MRNIP: variants seen among roughly 807,000 people sequenced by gnomAD.
MRNIP encodes the protein MRN complex interacting protein.
A neutral mutation model predicts 29.8 loss-of-function variants in MRNIP; 30 were observed. The ratio of observed to expected loss-of-function variants is 1.01; its 90% confidence interval spans 0.75 to 1.36. The LOEUF is 1.36. Among genes scored for constraint, MRNIP ranks in the 40% most tolerant of loss-of-function variants. The pLI is 0.00. For synonymous variants in MRNIP, 201 were observed against 164.1 expected (o/e 1.23, Z -1.72); for missense variants, 459 against 423.5 (o/e 1.08, Z -0.74).
intron 2 of MRNIP, among the ~76,000 whole-genome samples, chr5:179,852,918 A>T (rs916638855): frequency 6.6e-6 from 1 of 152,210 alleles, no homozygotes; most frequent in African/African-American, 2.4e-5. Flanking sequence ...TGAGCCCACT[A>T]TCCCACACCT....
At chr5:179,846,429 G>A (rs886784896) in intron 3 of MRNIP, among the ~76,000 whole-genome samples, 2 of 151,780 alleles carry the variant, frequency 1.3e-5, no homozygotes, top group Non-Finnish European at 2.9e-5. Flanking sequence ...GATTACAGGC[G>A]CCCGCCACCA....
chr5:179,853,323 G>A, intron 2 of MRNIP, 55 bp downstream of exon 2: 2 of 1,603,992 alleles, frequency 1.2e-6, no homozygotes, highest in Non-Finnish European at 1.7e-6. Flanking sequence ...GGGACTCCCT[G>A]GAAGGGCTCG....
chr5:179,850,488 G>C (rs1190614375), intron 2 of MRNIP, among the ~76,000 whole-genome samples: 1 of 152,236 alleles, frequency 6.6e-6, no homozygotes, highest in Non-Finnish European at 1.5e-5. Context: ...CGTGAGCACA[G>C]AATTCTGGTG....
In MRNIP at chr5:179,841,899, C is replaced by G; in HGVS notation, c.449+8G>C. 6.2e-7 allele frequency: 1 copy of G among 1,613,294 alleles called. No homozygotes were observed. Among genetic ancestry groups the G allele is most frequent in the Non-Finnish European group, 8.5e-7 (1 of 1,179,890 alleles). Reference sequence around the variant, plus strand: ...GGGCCAGGGCTGGAACGGAGACGCACTTGGTACCTTTTTCTAGGCAGGTCT... The same window carrying G: ...GGGCCAGGGCTGGAACGGAGACGCAGTTGGTACCTTTTTCTAGGCAGGTCT... On this transcript the variant is annotated splice_region_variant and intron_variant, in intron 5 of 6. Transcript: ENST00000292586.
intron 6 of MRNIP, chr5:179,840,062 A>AGGAGGAG (rs1758813894): frequency 6.6e-6 from 1 of 152,110 alleles, no homozygotes; most frequent in African/African-American, 2.4e-5. Flanking sequence ...CTCCTGCCTC[A>AGGAGGAG]GCCTCTCGAG....
chr5:179,837,769 G>T lies in MRNIP; in HGVS notation c.654C>A (p.Pro218=). 6.2e-7 allele frequency: 1 copy of T among 1,614,214 alleles called. No homozygotes were observed. Among genetic ancestry groups the T allele is most frequent in the South Asian group, 1.1e-5 (1 of 91,092 alleles). Residue 218 remains proline (P), a synonymous_variant, in exon 7 of 7, where the codon CCC becomes CCA. Coordinates refer to ENST00000292586, the MANE Select transcript of MRNIP (RefSeq NM_016175.4). ...LRGPGKELWS[P]IQQVTATSSK... is the part of the protein sequence containing the mutation. ...AGGATGTGGCTGTAACCTGCTGGAT[G>T]GGACTCCATAGCTCCTTCCCAGGAC...
chr5:179,848,600 C>T (rs1759224510), intron 2 of MRNIP, among the ~76,000 whole-genome samples: 1 of 152,162 alleles, frequency 6.6e-6, no homozygotes, highest in Non-Finnish European at 1.5e-5. Context: ...CATCATGGAA[C>T]TCACATTCAA....
chr5:179,853,642 G>A (rs1383002437), intron 1 of MRNIP, among the ~76,000 whole-genome samples: 1 of 151,800 alleles, frequency 6.6e-6, no homozygotes, highest in Non-Finnish European at 1.5e-5. Flanking sequence ...CATGGTGGCG[G>A]GCACCTGTAA....
intron 3 of MRNIP, among the ~76,000 whole-genome samples, chr5:179,844,836 T>C (rs377378594): frequency 1.3e-5 from 2 of 152,246 alleles, no homozygotes; most frequent in African/African-American, 4.8e-5. Context: ...AATTATTAGT[T>C]CTAGTAGCTT....
intron 4 of MRNIP, among the ~76,000 whole-genome samples, chr5:179,843,100 AG>A (rs1233549660): frequency 6.6e-6 from 1 of 151,526 alleles, no homozygotes; most frequent in Non-Finnish European, 1.5e-5. Context: ...GCAGGCAAGC[AG>A]AAGTGTGGAA....
chr5:179,857,030 G>A (rs982624885), intron 1 of MRNIP, among the ~76,000 whole-genome samples: 3 of 152,172 alleles, frequency 2.0e-5, no homozygotes, highest in African/African-American at 4.8e-5. Flanking sequence ...AGGTTGCAGC[G>A]AGCTGTGATT....
At chr5:179,842,165 T>C in intron 4 of MRNIP, 101 bp from the exon 5 acceptor site, 11 of 1,165,006 alleles carry the variant, frequency 9.4e-6, no homozygotes, top group East Asian at 2.3e-5. Flanking sequence ...TCAGGAGTCA[T>C]GTCCAGCTCC....
chr5:179,858,595 C>A (rs1362299689), intron 1 of MRNIP, 136 bp downstream of exon 1: 1 of 592,778 alleles, frequency 1.7e-6, no homozygotes, highest in African/African-American at 1.9e-5. Flanking sequence ...CCCAATGAGA[C>A]CCGCCCTCAG....
intron 4 of MRNIP, 30 bp from the exon 5 acceptor site, chr5:179,842,094 A>C: frequency 6.2e-7 from 1 of 1,610,092 alleles, no homozygotes; most frequent in Non-Finnish European, 8.5e-7. Context: ...GTTGATTCTC[A>C]GTACTGGAAA....
chr5:179,837,436 T>TA lies in MRNIP; in HGVS notation c.986dup (p.Cys330MetfsTer2), dbSNP rs762770205. The TA allele has an allele frequency of 2.5e-6, 4 of 1,608,566 alleles. No individual in the cohort carries two copies. In the African/African-American group the frequency reaches 4.0e-5, roughly 16 times the overall value. ...CTTCCCCAGTTATAAAGAGGTCACA[T>TA]AGTCGTGTGGGTCGAGGATTCTGTG... On this transcript the variant is annotated frameshift_variant, in exon 7 of 7. Coordinates refer to ENST00000292586, the MANE Select transcript of MRNIP (RefSeq NM_016175.4). LOFTEE classifies it high-confidence loss of function.
intron 1 of MRNIP, among the ~76,000 whole-genome samples, chr5:179,856,519 G>A (rs188008877): frequency 4.2e-4 from 64 of 152,254 alleles, no homozygotes; most frequent in Non-Finnish European, 7.8e-4. Context: ...GCCCAGGCTG[G>A]AGTGCAGTGG....
At position 179,837,386 on chromosome 5, in the gene MRNIP, C is replaced by T. The variant is rs774391024; in HGVS notation, c.*5G>A. 3.8e-6 allele frequency: 6 copies of T among 1,586,428 alleles called. No individual in the cohort carries two copies. Among genetic ancestry groups the T allele is most frequent in the Middle Eastern group, 1.7e-4 (1 of 5,926 alleles). ...TATCTCGATTAATAACCTGCCAGTC[C>T]CAGATCACACATCATCATCGAAGTC... is the stretch of plus-strand genomic sequence containing the variant. On this transcript the variant is annotated 3_prime_UTR_variant, in exon 7 of 7. Coordinates refer to ENST00000292586, the MANE Select transcript of MRNIP (RefSeq NM_016175.4).
chr5:179,841,891 G>C lies in MRNIP; in HGVS notation c.449+16C>G, dbSNP rs770721825. 6 of 1,612,612 alleles carry C rather than the reference G, an allele frequency of 3.7e-6. No individual in the cohort carries two copies. Among genetic ancestry groups the C allele is most frequent in the South Asian group, 3.3e-5 (3 of 90,964 alleles). The stretch of plus-strand genomic sequence containing the variant: ...GAGGCCCTGGGCCAGGGCTGGAACG[G>C]AGACGCACTTGGTACCTTTTTCTAG... On this transcript the variant is annotated intron_variant, in intron 5 of 6. Transcript: ENST00000292586.
chr5:179,852,141 C>G (rs1158213344), intron 2 of MRNIP, among the ~76,000 whole-genome samples: 2 of 151,740 alleles, frequency 1.3e-5, no homozygotes, highest in African/African-American at 4.8e-5. Context: ...AACAAATTAG[C>G]TGGGTGTGGT....
Sources: gnomAD v4.1 joint callset for allele counts (sites outside exome capture counted in the v4.1 genomes callset) on GRCh38, gnomAD v4.1.1 for gene constraint, MANE v1.5 for transcripts, NCBI Gene and HGNC (gene_info 2026-07-23, HGNC 2026-07-21) for gene names.